CNTNAP2: variants seen among roughly 807,000 people sequenced by gnomAD.
The protein encoded by CNTNAP2 is contactin-associated protein-like 2.
CNTNAP2 carries 98 observed loss-of-function variants against 155.2 expected under a neutral mutation model. The observed-to-expected ratio is 0.63, with a 90% confidence interval of 0.54 to 0.75. The LOEUF (loss-of-function observed/expected upper bound fraction) is 0.75, where lower values mean the gene tolerates loss of function less well. CNTNAP2 is among the 30% of genes least tolerant of loss of function. The probability of loss-of-function intolerance (pLI) is 0.00; values close to 1 mark genes in which losing one functional copy is unlikely to be tolerated. For synonymous variants in CNTNAP2, 651 were observed against 631.2 expected (o/e 1.03, Z -0.47); for missense variants, 1,727 against 1,688.1 (o/e 1.02, Z -0.40).
In CNTNAP2 at chr7:147,132,410, G is replaced by T. The variant is rs147815978; in HGVS notation, c.1249G>T (p.Asp417Tyr). The change falls in exon 8 of 24, where the codon GAT becomes TAT. Residue 417 changes from aspartate to tyrosine, a missense_variant. Asp to Tyr is a radical substitution (Grantham distance 160, BLOSUM62 -3). Transcript: ENST00000361727. ...NGLLVFSHFA[D>Y]NLGNVEIDLT... ...TCTCCTGGTCTTCAGTCACTTTGCG[G>T]ATAATTTGGGCAATGTGGAGATTGA... 2.4e-5 allele frequency: 38 copies of T among 1,613,520 alleles called. No homozygotes were observed. The Middle Eastern group carries it at 4.9e-4, about 21-fold the overall frequency.
rs1188783929 is a variant in CNTNAP2 at position 146,123,473 on chromosome 7, G to T, written c.97+6500G>T. On this transcript the variant is annotated intron_variant, in intron 1 of 23. Coordinates refer to ENST00000361727, the MANE Select transcript of CNTNAP2 (RefSeq NM_014141.6). The stretch of plus-strand genomic sequence containing the variant: ...GGCAATAGAGGTGTGACTGGCATAC[G>T]CACTGTCAAAATTACTAAACCTGTG... 2.0e-5 allele frequency among the ~76,000 whole-genome samples: 3 copies of T among 152,204 alleles called. No homozygotes were observed. The East Asian group carries it at 5.8e-4, about 29-fold the overall frequency.
rs544345360 is a variant in CNTNAP2 at position 146,522,704 on chromosome 7, A to G, written c.98-251567A>G. 8.6e-5 allele frequency among the ~76,000 whole-genome samples: 13 copies of G among 151,486 alleles called. No homozygotes were observed. In the East Asian group the frequency reaches 2.3e-3, roughly 27 times the overall value. Reference sequence around the variant, plus strand: ...AAAGAAAATTAGCTCAAGATTTCCAATCTGACTTTGTGCTAGCAAATAATG... The same window carrying G: ...AAAGAAAATTAGCTCAAGATTTCCAGTCTGACTTTGTGCTAGCAAATAATG... On this transcript the variant is annotated intron_variant, in intron 1 of 23. Transcript: ENST00000361727.
In CNTNAP2 at chr7:148,366,069, CATGT is replaced by C. The variant is rs1410449763; in HGVS notation, c.3476-17575_3476-17572del. Among the ~76,000 whole-genome samples, 14 of 6,096 alleles carry C rather than the reference CATGT, an allele frequency of 2.3e-3. 7 individuals are homozygous for C. Among genetic ancestry groups the C allele is most frequent in the African/African-American group, 3.7e-3 (14 of 3,832 alleles). The allele number at this position is 6,096 out of a possible 152,430, so 4.0% of individuals were successfully genotyped here. On this transcript the variant is annotated intron_variant, in intron 21 of 23. Transcript: ENST00000361727. Reference sequence around the variant, plus strand: ...ATGCATGTGTGTGTATGCATGTATGCATGTATGTGTGTGCATGTATACATGTATG... The same window carrying C: ...ATGCATGTGTGTGTATGCATGTATGCATGTGTGTGCATGTATACATGTATG...
At chr7:147,008,205 T>A (rs529833751) in intron 3 of CNTNAP2, among the ~76,000 whole-genome samples, 2 of 152,214 alleles carry the variant, frequency 1.3e-5, no homozygotes, top group African/African-American at 4.8e-5. Flanking sequence ...GACTTGTTAA[T>A]CCTGGTTATA....
chr7:147,620,405 G>C (rs1302686751), intron 12 of CNTNAP2, among the ~76,000 whole-genome samples: 1 of 151,962 alleles, frequency 6.6e-6, no homozygotes, highest in Non-Finnish European at 1.5e-5. Context: ...CAAAATAGCT[G>C]TTTTAAGGAA....
chr7:147,540,201 C>T (rs1167787888), intron 11 of CNTNAP2, among the ~76,000 whole-genome samples: 1 of 152,148 alleles, frequency 6.6e-6, no homozygotes, highest in African/African-American at 2.4e-5. Context: ...CCTACTTGCT[C>T]CTCTTGAAAT....
chr7:146,370,844 G>T (rs973374236), intron 1 of CNTNAP2, among the ~76,000 whole-genome samples: 2 of 152,026 alleles, frequency 1.3e-5, no homozygotes, highest in Non-Finnish European at 2.9e-5. Context: ...TATCCAAAAC[G>T]TGCAAAAGCC....
intron 1 of CNTNAP2, among the ~76,000 whole-genome samples, chr7:146,314,941 G>A (rs1033303425): frequency 6.6e-6 from 1 of 152,184 alleles, no homozygotes; most frequent in African/African-American, 2.4e-5. Flanking sequence ...GAGGGAGAAG[G>A]CACAGGAGTG....
chr7:147,257,785 C>T (rs1216692830), intron 8 of CNTNAP2, among the ~76,000 whole-genome samples: 1 of 152,122 alleles, frequency 6.6e-6, no homozygotes, highest in Non-Finnish European at 1.5e-5. Flanking sequence ...AGATGACTCA[C>T]TATAGAATCC....
intron 14 of CNTNAP2, among the ~76,000 whole-genome samples, chr7:147,945,467 A>G (rs1274913835): frequency 6.6e-6 from 1 of 152,192 alleles, no homozygotes; most frequent in African/African-American, 2.4e-5. Flanking sequence ...GAAGCAGGAA[A>G]GCGGTAAAGC....
intron 10 of CNTNAP2, among the ~76,000 whole-genome samples, chr7:147,463,094 C>A (rs536039135): frequency 6.6e-6 from 1 of 152,094 alleles, no homozygotes; most frequent in Non-Finnish European, 1.5e-5. Flanking sequence ...TACTTGTTGA[C>A]ATTTATGAGA....
chr7:146,521,378 T>G (rs1797614457), intron 1 of CNTNAP2, among the ~76,000 whole-genome samples: 1 of 152,030 alleles, frequency 6.6e-6, no homozygotes, highest in Non-Finnish European at 1.5e-5. Flanking sequence ...AGCATAATCT[T>G]TGAGTATAGC....
rs146480267 is a variant in CNTNAP2, at chr7:147,689,061, T to A, written c.2098+49755T>A. ...TATTTAACCCTTGGGGAAAAACCAG[T>A]CCTTGAATTAAAATTAAATATAACA... On this transcript the variant is annotated intron_variant, in intron 13 of 23. Coordinates refer to ENST00000361727, the MANE Select transcript of CNTNAP2 (RefSeq NM_014141.6). Among the ~76,000 whole-genome samples, 8 of 152,226 alleles carry A rather than the reference T, an allele frequency of 5.3e-5. No homozygotes were observed. The East Asian group carries it at 1.4e-3, about 26-fold the overall frequency.
chr7:146,420,331 G>C (rs1795992982), intron 1 of CNTNAP2, among the ~76,000 whole-genome samples: 1 of 151,924 alleles, frequency 6.6e-6, no homozygotes, highest in Admixed American at 6.6e-5. Context: ...TTTTTGCAAG[G>C]GTTTCTGTTA....
At chr7:146,774,996 A>T (rs1802363673) in intron 2 of CNTNAP2, among the ~76,000 whole-genome samples, 1 of 152,194 alleles carries the variant, frequency 6.6e-6, no homozygotes. Context: ...GGACAGAGGC[A>T]AAAAACTCTT....
intron 11 of CNTNAP2, among the ~76,000 whole-genome samples, chr7:147,561,081 C>T (rs1487770410): frequency 2.0e-5 from 3 of 151,910 alleles, no homozygotes; most frequent in Admixed American, 2.0e-4. Context: ...AGAGAGGTGG[C>T]AATGACCTTG....
intron 13 of CNTNAP2, among the ~76,000 whole-genome samples, chr7:147,866,530 C>A (rs1025645393): frequency 6.6e-5 from 10 of 152,110 alleles, no homozygotes; most frequent in Non-Finnish European, 1.5e-4. Flanking sequence ...GTTAAAGTCT[C>A]CCATTATTAT....
At chr7:148,296,660 T>C (rs967900232) in intron 21 of CNTNAP2, among the ~76,000 whole-genome samples, 5 of 151,476 alleles carry the variant, frequency 3.3e-5, no homozygotes, top group African/African-American at 1.2e-4. Flanking sequence ...AAATGCCCAG[T>C]TTTAGGATGG....
intron 3 of CNTNAP2, among the ~76,000 whole-genome samples, chr7:147,013,257 C>G (rs1346423243): frequency 6.6e-6 from 1 of 151,996 alleles, no homozygotes; most frequent in Non-Finnish European, 1.5e-5. Context: ...AGAGATGTCC[C>G]TGGAATGATG....
Sources: gnomAD v4.1 joint callset for allele counts (sites outside exome capture counted in the v4.1 genomes callset) on GRCh38, gnomAD v4.1.1 for gene constraint, MANE v1.5 for transcripts, NCBI Gene and HGNC (gene_info 2026-07-23, HGNC 2026-07-21) for gene names.